The following IL18R1 variants were observed in gnomAD, a reference collection of about 807,000 sequenced individuals.
The protein encoded by IL18R1 is interleukin 18 receptor 1.
A neutral mutation model predicts 48.5 loss-of-function variants in IL18R1; 40 were observed. The ratio of observed to expected loss-of-function variants is 0.82; its 90% CI spans 0.64 to 1.07. The LOEUF (loss-of-function observed/expected upper bound fraction) is 1.07. IL18R1 is among the 50% of genes least tolerant of loss of function. The pLI is 0.00. For missense variants in IL18R1, 596 were observed against 633.7 expected (o/e 0.94, Z 0.64); for synonymous variants, 232 against 225.9 (o/e 1.03, Z -0.24).
chr2:102,386,600 A>T (rs76377344), intron 7 of IL18R1, among the ~76,000 whole-genome samples: 1 of 152,250 alleles, frequency 6.6e-6, no homozygotes, highest in African/African-American at 2.4e-5. Flanking sequence ...TCAACTTAGC[A>T]TCATGATCTT....
intron 10 of IL18R1, among the ~76,000 whole-genome samples, chr2:102,395,375 A>G (rs924537406): frequency 6.6e-6 from 1 of 152,098 alleles, no homozygotes; most frequent in Admixed American, 6.5e-5. Context: ...GATTATTACC[A>G]TCATTCATGT....
rs771995155 is a variant in IL18R1, at chr2:102,384,891, G to T, written c.702G>T (p.Arg234Ser). The T allele has an allele frequency of 6.2e-7, 1 of 1,608,814 alleles. No homozygotes were observed. Among genetic ancestry groups the T allele is most frequent in the Non-Finnish European group, 8.5e-7 (1 of 1,177,410 alleles). Reference protein sequence around the residue: ...HVAVELGKNVRLNCSALLNEE... With the variant: ...HVAVELGKNVSLNCSALLNEE... Reference sequence around the variant, plus strand: ...AACTTTTACCAGGAAAAAACGTAAGGCTCAACTGCTCTGCTTTGCTGAATG... The same window carrying T: ...AACTTTTACCAGGAAAAAACGTAAGTCTCAACTGCTCTGCTTTGCTGAATG... Residue 234 changes from arginine to serine, a missense_variant, in exon 7 of 11, where the codon AGG (arginine) becomes AGT (serine). Transcript: ENST00000233957.
Position 102,397,094 on chromosome 2 carries a change from GAATTCAAAAGA to G in IL18R1, c.*212_*222del. Reference sequence around the variant, plus strand: ...TGGTCACGTGCTCCCAGAAGACCTGGAATTCAAAAGAAATGGAGCTATTCTTTTTCTCCCTC... The same window carrying G: ...TGGTCACGTGCTCCCAGAAGACCTGGAATGGAGCTATTCTTTTTCTCCCTC... On this transcript the variant is annotated 3_prime_UTR_variant, in exon 11 of 11. Coordinates refer to ENST00000233957, the MANE Select transcript of IL18R1 (RefSeq NM_003855.5). 1 of 480,252 alleles carries G rather than the reference GAATTCAAAAGA, an allele frequency of 2.1e-6. No homozygotes were observed. The highest frequency in any genetic ancestry group is 4.2e-5 in the South Asian group (1 of 24,006). The allele number at this position is 480,252 out of a possible 1,614,324, so 29.7% of individuals were successfully genotyped here.
chr2:102,365,361 G>T (rs1678828891), intron 2 of IL18R1, among the ~76,000 whole-genome samples: 1 of 152,200 alleles, frequency 6.6e-6, no homozygotes, highest in Admixed American at 6.5e-5. Flanking sequence ...AAACCTTAAA[G>T]TTCCAAAATA....
chr2:102,377,521 T>C (rs1308922975), intron 5 of IL18R1, among the ~76,000 whole-genome samples: 1 of 152,230 alleles, frequency 6.6e-6, no homozygotes, highest in East Asian at 1.9e-4. Flanking sequence ...TTTCACCGTG[T>C]TAGCCAGGAT....
rs1035548275 is a variant in IL18R1, at chr2:102,396,963, G to C, written c.*77G>C. On this transcript the variant is annotated 3_prime_UTR_variant, in exon 11 of 11. Transcript: ENST00000233957. The stretch of plus-strand genomic sequence containing the variant: ...GCATATGAACCTGTTCATAACAAAG[G>C]CTGTGACTCGAAATAATTAACTTTG... 2 of 814,128 alleles carry C rather than the reference G, an allele frequency of 2.5e-6. No homozygotes were observed. The highest frequency in any genetic ancestry group is 3.9e-6 in the Non-Finnish European group (2 of 515,682). 50.4% of individuals were successfully genotyped at this position (814,128 alleles called of 1,614,324 possible). A position where few individuals can be genotyped will look rare whatever the true frequency, so the allele number is the denominator to read the frequency against.
At chr2:102,373,108 T>A (rs1679365673) in intron 4 of IL18R1, among the ~76,000 whole-genome samples, 1 of 152,206 alleles carries the variant, frequency 6.6e-6, no homozygotes, top group African/African-American at 2.4e-5. Context: ...TCCTAGTGGT[T>A]TTTTCACTTT....
At chr2:102,360,440 T>C (rs749513747) in intron 1 of IL18R1, among the ~76,000 whole-genome samples, 1 of 152,182 alleles carries the variant, frequency 6.6e-6, no homozygotes, top group Non-Finnish European at 1.5e-5. Context: ...ATTTTTTGTA[T>C]TTTTAGTAGA....
At position 102,394,522 on chromosome 2, in the gene IL18R1, A is replaced by G; in HGVS notation, c.1165A>G (p.Asn389Asp). 3.1e-6 allele frequency: 5 copies of G among 1,613,356 alleles called. No homozygotes were observed. The highest frequency in any genetic ancestry group is 4.2e-6 in the Non-Finnish European group (5 of 1,179,446). ...TTACCTAAAAGAATGCCGACCTGAA[A>G]ATGGAGAGGAGCACACCTTTGCTGT... ...VSYLKECRPE[N>D]GEEHTFAVEI... Residue 389 changes from asparagine to aspartate, a missense_variant, in exon 10 of 11, where the codon AAT becomes GAT. Around this residue, in one of 3 missense-constraint regions of IL18R1, gnomAD observed 179 missense variants for 206.1 expected, o/e 0.87. Coordinates refer to ENST00000233957, the MANE Select transcript of IL18R1 (RefSeq NM_003855.5).
intron 7 of IL18R1, among the ~76,000 whole-genome samples, chr2:102,385,765 T>C (rs1335490742): frequency 6.6e-6 from 1 of 152,196 alleles, no homozygotes; most frequent in Non-Finnish European, 1.5e-5. Flanking sequence ...GCCCACTACA[T>C]GTTGAATTCA....
chr2:102,366,573 G>GACTT (rs1482097260), intron 2 of IL18R1, among the ~76,000 whole-genome samples: 2 of 152,062 alleles, frequency 1.3e-5, no homozygotes, highest in African/African-American at 4.8e-5. Flanking sequence ...TATCTTTACA[G>GACTT]TAGCACCCCA....
intron 5 of IL18R1, among the ~76,000 whole-genome samples, chr2:102,381,165 C>G (rs1258918830): frequency 2.0e-5 from 3 of 152,208 alleles, no homozygotes; most frequent in East Asian, 1.9e-4. Context: ...AGGGACACTG[C>G]TCTCAGCATC....
chr2:102,387,249 G>A (rs11465650), intron 8 of IL18R1, among the ~76,000 whole-genome samples: 11,382 of 152,218 alleles, frequency 0.075, 538 homozygotes, highest in Middle Eastern at 0.24. Flanking sequence ...GGGGCCTGAG[G>A]CTTGGAGATA....
intron 5 of IL18R1, among the ~76,000 whole-genome samples, chr2:102,377,676 G>A (rs140747543): frequency 6.6e-6 from 1 of 152,270 alleles, no homozygotes; most frequent in Non-Finnish European, 1.5e-5. Context: ...GCATTTCTTG[G>A]CTTGTGCCAC....
At chr2:102,366,129 C>A (rs928795951) in intron 2 of IL18R1, among the ~76,000 whole-genome samples, 2 of 152,146 alleles carry the variant, frequency 1.3e-5, no homozygotes, top group African/African-American at 2.4e-5. Flanking sequence ...CCCATTCCCA[C>A]GAACATGGAT....
At chr2:102,373,863 G>T in intron 4 of IL18R1, 1 of 329,274 alleles carries the variant, frequency 3.0e-6, no homozygotes, top group South Asian at 2.6e-5. Flanking sequence ...CTGTGCATGC[G>T]AGGAATCTAT....
chr2:102,398,284 T>C lies in IL18R1; in HGVS notation c.*1398T>C, dbSNP rs1680922329. 1 of 152,328 alleles carries C rather than the reference T, an allele frequency of 6.6e-6. No individual in the cohort carries two copies. The highest frequency in any genetic ancestry group is 1.5e-5 in the Non-Finnish European group (1 of 68,024). 9.4% of individuals were successfully genotyped at this position (152,328 alleles called of 1,614,324 possible). On this transcript the variant is annotated 3_prime_UTR_variant, in exon 11 of 11. Coordinates refer to ENST00000233957, the MANE Select transcript of IL18R1 (RefSeq NM_003855.5). ...GGAGCCTTCTTGATGATCTCAAAAA[T>C]AATAGCTATTCAAGAAAATCACCAA...
At chr2:102,364,314 C>T (rs578015356) in intron 2 of IL18R1, among the ~76,000 whole-genome samples, 17 of 152,222 alleles carry the variant, frequency 1.1e-4, no homozygotes, top group Admixed American at 2.6e-4. Flanking sequence ...GGATAAATTG[C>T]GAAATGGTAA....
At chr2:102,396,203 A>G (rs1158659935) in intron 10 of IL18R1, among the ~76,000 whole-genome samples, 1 of 152,068 alleles carries the variant, frequency 6.6e-6, no homozygotes, top group Non-Finnish European at 1.5e-5. Context: ...TTACTTAACC[A>G]CTCTGTGCTC....
Sources: gnomAD v4.1 joint callset for allele counts (sites outside exome capture counted in the v4.1 genomes callset) on GRCh38, gnomAD v4.1.1 for gene constraint, gnomAD v4.1.1 regional missense constraint, MANE v1.5 for transcripts, NCBI Gene and HGNC (gene_info 2026-07-23, HGNC 2026-07-21) for gene names.